The following RBMS3 variants were observed in gnomAD, a reference collection of about 807,000 sequenced individuals.
RBMS3 encodes RNA-binding motif, single-stranded-interacting protein 3.
A neutral mutation model predicts 66.8 loss-of-function variants in RBMS3; 27 were observed. The observed-to-expected ratio is 0.40, with a 90% CI of 0.30 to 0.56. The LOEUF (loss-of-function observed/expected upper bound fraction) is 0.56. Ranked by LOEUF, RBMS3 falls within the 20% of genes least tolerant of loss-of-function variation. The pLI, the probability that RBMS3 is intolerant of heterozygous loss-of-function variation, is 0.40. For synonymous variants in RBMS3, 188 were observed against 183.0 expected, an observed-to-expected ratio of 1.03 and a Z score of -0.22; for missense variants, 513 against 549.5, an observed-to-expected ratio of 0.93 and a Z score of 0.66.
intron 1 of RBMS3, among the ~76,000 whole-genome samples, chr3:29,416,867 C>T (rs1485204455): frequency 1.3e-5 from 2 of 152,100 alleles, no homozygotes; most frequent in African/African-American, 4.8e-5. Context: ...CATTGTTATG[C>T]CCAAATTTAC....
chr3:29,906,538 A>G (rs1407779044), intron 10 of RBMS3, among the ~76,000 whole-genome samples: 1 of 152,200 alleles, frequency 6.6e-6, no homozygotes, highest in African/African-American at 2.4e-5. Context: ...TTTGTAACAC[A>G]TGAAATAAAT....
intron 2 of RBMS3, among the ~76,000 whole-genome samples, chr3:29,447,297 T>C (rs1274294564): frequency 6.6e-6 from 1 of 152,230 alleles, no homozygotes. Flanking sequence ...GATAGATGCT[T>C]AAATAATATC....
intron 6 of RBMS3, among the ~76,000 whole-genome samples, chr3:29,832,709 G>T (rs1322085507): frequency 6.6e-6 from 1 of 152,176 alleles, no homozygotes; most frequent in African/African-American, 2.4e-5. Flanking sequence ...GCATGACTGA[G>T]TGGTTGGAAG....
At chr3:29,466,601 T>C (rs930449979) in intron 2 of RBMS3, among the ~76,000 whole-genome samples, 6 of 152,104 alleles carry the variant, frequency 3.9e-5, no homozygotes, top group African/African-American at 7.2e-5. Flanking sequence ...TGTTAAGTGA[T>C]TGAATAGTTG....
chr3:29,933,685 A>T (rs1342926977), intron 10 of RBMS3, among the ~76,000 whole-genome samples: 1 of 152,146 alleles, frequency 6.6e-6, no homozygotes, highest in Non-Finnish European at 1.5e-5. Flanking sequence ...ATCTGCTTAG[A>T]AAGAACTGTT....
intron 3 of RBMS3, among the ~76,000 whole-genome samples, chr3:29,563,861 C>A (rs533558583): frequency 2.6e-5 from 4 of 151,686 alleles, no homozygotes; most frequent in Non-Finnish European, 4.4e-5. Context: ...TCTGTCTCTA[C>A]AAAAAATTAG....
chr3:29,434,653 G>A lies in RBMS3; in HGVS notation c.76-90G>A, dbSNP rs72853322. 7,738 of 1,510,296 alleles carry A rather than the reference G, an allele frequency of 5.1e-3. 271 individuals are homozygous for A. The African/African-American group carries it at 0.084, about 16-fold the overall frequency. The allele number at this position is 1,510,296 out of a possible 1,614,324, so 93.6% of individuals were successfully genotyped here. A position where few individuals can be genotyped will look rare whatever the true frequency, so the allele number is the denominator to read the frequency against. On this transcript the variant is annotated intron_variant, in intron 1 of 14. Coordinates refer to ENST00000383767, the MANE Select transcript of RBMS3 (RefSeq NM_001003793.3). The stretch of plus-strand genomic sequence containing the variant: ...TGTACGTGTGTGTATTGGAGAAGAC[G>A]CATAGCTTACATTGATTTCAAGTTG...
intron 4 of RBMS3, among the ~76,000 whole-genome samples, chr3:29,676,099 A>G (rs1223911269): frequency 6.6e-6 from 1 of 152,246 alleles, no homozygotes; most frequent in Non-Finnish European, 1.5e-5. Context: ...GCAGCCATAA[A>G]AAAGGATGAG....
chr3:29,494,141 A>G (rs1220701764), intron 3 of RBMS3, among the ~76,000 whole-genome samples: 3 of 152,220 alleles, frequency 2.0e-5, no homozygotes, highest in African/African-American at 4.8e-5. Flanking sequence ...TTACCAAGGT[A>G]TGAGAAAGTC....
At chr3:29,427,287 G>T (rs556032148) in intron 1 of RBMS3, among the ~76,000 whole-genome samples, 1 of 152,346 alleles carries the variant, frequency 6.6e-6, no homozygotes, top group South Asian at 2.1e-4. Context: ...AAGCCATAAT[G>T]TATGTGGTTC....
intron 3 of RBMS3, among the ~76,000 whole-genome samples, chr3:29,561,429 GTTT>G (rs1428207537): frequency 1.8e-4 from 25 of 141,242 alleles, no homozygotes; most frequent in African/African-American, 7.4e-4. Flanking sequence ...AGCATCTGTT[GTTT>G]TTGTTGTTGT....
chr3:29,594,280 G>A (rs1446208786), intron 4 of RBMS3, among the ~76,000 whole-genome samples: 2 of 151,670 alleles, frequency 1.3e-5, no homozygotes, highest in African/African-American at 2.4e-5. Context: ...TTTTTTTCAT[G>A]TGAGTCAAAT....
At position 30,009,620 on chromosome 3, in the gene RBMS3, A is replaced by G. The variant is rs1044527391; in HGVS notation, c.*5758A>G. On this transcript the variant is annotated 3_prime_UTR_variant, in exon 15 of 15. Transcript: ENST00000383767. ...TCAACACGACTTCTGCAATGAGAGT[A>G]TAACGGTAGCTCTTGGTACAGTCAT... 2 of 152,188 alleles carry G rather than the reference A, an allele frequency of 1.3e-5. No individual in the cohort carries two copies. Among genetic ancestry groups the G allele is most frequent in the Non-Finnish European group, 2.9e-5 (2 of 68,022 alleles). The allele number at this position is 152,188 out of a possible 1,614,324, so 9.4% of individuals were successfully genotyped here. A position where few individuals can be genotyped will look rare whatever the true frequency, so the allele number is the denominator to read the frequency against.
At chr3:29,303,360 T>G (rs2033802907) in intron 1 of RBMS3, among the ~76,000 whole-genome samples, 1 of 152,042 alleles carries the variant, frequency 6.6e-6, no homozygotes, top group Admixed American at 6.6e-5. Flanking sequence ...GGTGTTTCTC[T>G]TTTGTATTAT....
chr3:29,415,330 T>C (rs1252080679), intron 1 of RBMS3, among the ~76,000 whole-genome samples: 3 of 152,196 alleles, frequency 2.0e-5, no homozygotes, highest in Admixed American at 1.3e-4. Flanking sequence ...ATTAAATTAT[T>C]ATAAATTTGC....
chr3:29,561,381 C>G (rs2046545361), intron 3 of RBMS3, among the ~76,000 whole-genome samples: 1 of 152,166 alleles, frequency 6.6e-6, no homozygotes. Flanking sequence ...CTCCCACCAA[C>G]AGTGTATAAA....
chr3:29,653,727 A>G (rs1434450054), intron 4 of RBMS3, among the ~76,000 whole-genome samples: 1 of 152,150 alleles, frequency 6.6e-6, no homozygotes, highest in Non-Finnish European at 1.5e-5. Flanking sequence ...AATCAGCCCT[A>G]CAGCGATTCC....
chr3:29,771,668 T>A (rs77565178), intron 6 of RBMS3, among the ~76,000 whole-genome samples: 2,527 of 152,036 alleles, frequency 0.017, 84 homozygotes, highest in African/African-American at 0.058. Flanking sequence ...TGAGGCTGGG[T>A]AATTTATAAA....
At chr3:29,317,163 C>T (rs1053848517) in intron 1 of RBMS3, among the ~76,000 whole-genome samples, 4 of 151,684 alleles carry the variant, frequency 2.6e-5, no homozygotes, top group African/African-American at 7.3e-5. Flanking sequence ...ATTCATATTG[C>T]GTACTGTGAC....
Sources: gnomAD v4.1 joint callset for allele counts (sites outside exome capture counted in the v4.1 genomes callset) on GRCh38, gnomAD v4.1.1 for gene constraint, MANE v1.5 for transcripts, NCBI Gene and HGNC (gene_info 2026-07-23, HGNC 2026-07-21) for gene names.